RPSA: variants seen among roughly 807,000 people sequenced by gnomAD.
RPSA encodes small ribosomal subunit protein uS2.
For synonymous variants in RPSA, 103 were observed against 126.7 expected, an observed-to-expected ratio of 0.81 and a Z score of 1.25; for missense variants, 140 against 372.8, an observed-to-expected ratio of 0.38 and a Z score of 5.14.
rs746957644 is a variant in RPSA at position 39,412,374 on chromosome 3, T to C, written c.*6T>C. 1 of 1,289,542 alleles carries C rather than the reference T, an allele frequency of 7.8e-7. No homozygotes were observed. Among genetic ancestry groups the C allele is most frequent in the Non-Finnish European group, 1.1e-6 (1 of 893,850 alleles). 79.9% of individuals were successfully genotyped at this position (1,289,542 alleles called of 1,614,324 possible). A position where few individuals can be genotyped will look rare whatever the true frequency, so the allele number is the denominator to read the frequency against. ...CAACCACTGACTGGTCTTAAGCTGT[T>C]CTTGCATAGGCTCTTAAGCAGCATG... is the stretch of plus-strand genomic sequence containing the variant. On this transcript the variant is annotated 3_prime_UTR_variant, in exon 7 of 7. Transcript: ENST00000301821.
intron 5 of RPSA, 45 bp downstream of exon 5, chr3:39,411,822 A>G (rs2042009490): frequency 6.3e-7 from 1 of 1,599,570 alleles, no homozygotes; most frequent in Non-Finnish European, 8.5e-7. Flanking sequence ...AAATTGGACG[A>G]CTTGGACTGT....
intron 2 of RPSA, 160 bp downstream of exon 2, chr3:39,407,946 G>T: frequency 1.6e-6 from 1 of 619,608 alleles, no homozygotes; most frequent in Middle Eastern, 4.3e-4. Flanking sequence ...TTGTTATTGA[G>T]AGAAAAGATT....
intron 3 of RPSA, 195 bp downstream of exon 3, chr3:39,408,919 T>C (rs903562289): frequency 3.8e-6 from 2 of 525,524 alleles, no homozygotes; most frequent in African/African-American, 3.8e-5. Flanking sequence ...GCCCCATCTC[T>C]ACTAAAAATA....
intron 1 of RPSA, 49 bp downstream of exon 1, chr3:39,406,813 G>A (rs1202623290): frequency 2.2e-6 from 1 of 454,788 alleles, no homozygotes; most frequent in Non-Finnish European, 4.4e-6. Flanking sequence ...AGAAAAATGA[G>A]CTTTTCCTGC....
intron 3 of RPSA, chr3:39,410,200 A>G (rs2125594592): frequency 6.3e-6 from 1 of 158,912 alleles, no homozygotes; most frequent in East Asian, 1.8e-4. Flanking sequence ...TAAAACTTGA[A>G]TCTTTTTTGC....
chr3:39,407,966 G>T, intron 2 of RPSA, 180 bp downstream of exon 2: 1 of 577,338 alleles, frequency 1.7e-6, no homozygotes, highest in Non-Finnish European at 3.0e-6. Flanking sequence ...TTCTGCTCCA[G>T]GGGAGGAATA....
chr3:39,409,447 C>T (rs146418794), intron 3 of RPSA, among the ~76,000 whole-genome samples: 4 of 152,276 alleles, frequency 2.6e-5, no homozygotes, highest in African/African-American at 9.6e-5. Flanking sequence ...GTGATCCTCC[C>T]ACCTCGGCCT....
Position 39,412,377 on chromosome 3 carries a change from T to G in RPSA, c.*9T>G, listed in dbSNP as rs545703827. Reference sequence around the variant, plus strand: ...CCACTGACTGGTCTTAAGCTGTTCTTGCATAGGCTCTTAAGCAGCATGGAA... The same window carrying G: ...CCACTGACTGGTCTTAAGCTGTTCTGGCATAGGCTCTTAAGCAGCATGGAA... On this transcript the variant is annotated 3_prime_UTR_variant, in exon 7 of 7. Coordinates refer to ENST00000301821, the MANE Select transcript of RPSA (RefSeq NM_002295.6). 5 of 1,250,802 alleles carry G rather than the reference T, an allele frequency of 4.0e-6. No homozygotes were observed. The African/African-American group carries it at 5.9e-5, about 15-fold the overall frequency. The allele number at this position is 1,250,802 out of a possible 1,614,324, so 77.5% of individuals were successfully genotyped here.
chr3:39,406,861 T>A (rs1212579115), intron 1 of RPSA, 97 bp downstream of exon 1: 1 of 456,372 alleles, frequency 2.2e-6, no homozygotes, highest in Non-Finnish European at 4.4e-6. Context: ...TGAAAGCCGG[T>A]CAGACTGGAT....
chr3:39,407,570 C>G, intron 1 of RPSA, 51 bp from the exon 2 acceptor site: 2 of 1,367,940 alleles, frequency 1.5e-6, no homozygotes, highest in Non-Finnish European at 2.1e-6. Flanking sequence ...TAAGGGTGTG[C>G]CCTACTTAAC....
chr3:39,411,427 T>C, intron 4 of RPSA: 1 of 532,270 alleles, frequency 1.9e-6, no homozygotes, highest in Non-Finnish European at 3.3e-6. Flanking sequence ...TGCCCAGATA[T>C]TTTTTTTAAA....
At chr3:39,411,551 CTG>C (rs1009963186) in intron 4 of RPSA, 96 bp from the exon 5 acceptor site, 15 of 1,301,432 alleles carry the variant, frequency 1.2e-5, no homozygotes, top group Admixed American at 5.5e-5. Context: ...TAAGAGATGT[CTG>C]TACTTTTGGT....
In RPSA at chr3:39,406,758, G is replaced by C; in HGVS notation, c.-40G>C. ...CCTGCAGAGGGGTCCATACGGCGTT[G>C]TTCTGGGTGAGTTCCGTGTAGCGTC... On this transcript the variant is annotated 5_prime_UTR_variant, in exon 1 of 7. Transcript: ENST00000301821. 2.3e-6 allele frequency: 1 copy of C among 429,468 alleles called. No individual in the cohort carries two copies. The highest frequency in any genetic ancestry group is 4.7e-6 in the Non-Finnish European group (1 of 214,794). 26.6% of individuals were successfully genotyped at this position (429,468 alleles called of 1,614,324 possible).
In RPSA at chr3:39,411,996, C is replaced by T; in HGVS notation, c.728C>T (p.Pro243Leu). Residue 243 changes from proline to leucine, a missense_variant, in exon 6 of 7, where the codon CCT becomes CTT. Coordinates refer to ENST00000301821, the MANE Select transcript of RPSA (RefSeq NM_002295.6). ...APAPEFTATQPEVADWSEGVQ... is the reference protein window; with the variant it reads ...APAPEFTATQLEVADWSEGVQ... ...GCTCCTGAGTTCACTGCTACTCAGC[C>T]TGAGGTTGCAGACTGGTCTGAAGGT... The T allele has an allele frequency of 1.2e-6, 2 of 1,604,912 alleles. No homozygotes were observed.
intron 1 of RPSA, 192 bp downstream of exon 1, chr3:39,406,956 G>A (rs1205760625): frequency 1.5e-5 from 7 of 452,528 alleles, no homozygotes; most frequent in Non-Finnish European, 3.1e-5. Context: ...GAGTGCCCCG[G>A]GAGCGGGTGG....
chr3:39,406,912 C>G (rs1021460133), intron 1 of RPSA, 148 bp downstream of exon 1: 11 of 455,180 alleles, frequency 2.4e-5, no homozygotes, highest in Non-Finnish European at 3.1e-5. Flanking sequence ...GCCTGCGGCC[C>G]GCACGTGGCC....
intron 3 of RPSA, 44 bp downstream of exon 3, chr3:39,408,768 T>G (rs750525243): frequency 4.6e-6 from 5 of 1,075,308 alleles, no homozygotes; most frequent in African/African-American, 3.1e-5. Flanking sequence ...GAAATAAAGC[T>G]TACAGACATT....
chr3:39,407,151 G>T, intron 1 of RPSA: 1 of 372,148 alleles, frequency 2.7e-6, no homozygotes, highest in Non-Finnish European at 5.3e-6. Context: ...TTCGCGCCGT[G>T]CGGGTCAGGA....
At position 39,411,876 on chromosome 3, in the gene RPSA, CTTTT is replaced by C. The variant is rs201617825; in HGVS notation, c.628-13_628-10del. 1.5e-6 allele frequency: 2 copies of C among 1,345,144 alleles called. No individual in the cohort carries two copies. The highest frequency in any genetic ancestry group is 1.5e-5 in the African/African-American group (1 of 68,530). The allele number at this position is 1,345,144 out of a possible 1,614,324, so 83.3% of individuals were successfully genotyped here. A position where few individuals can be genotyped will look rare whatever the true frequency, so the allele number is the denominator to read the frequency against. On this transcript the variant is annotated splice_polypyrimidine_tract_variant and intron_variant, in intron 5 of 6. Coordinates refer to ENST00000301821, the MANE Select transcript of RPSA (RefSeq NM_002295.6). Reference sequence around the variant, plus strand: ...TTGTCAGTCCCTGTAAGTCTTTCCTCTTTTTTTTTTGTAACCCAGATTGAAAAAG... The same window carrying C: ...TTGTCAGTCCCTGTAAGTCTTTCCTCTTTTTTGTAACCCAGATTGAAAAAG...
Sources: allele counts gnomAD v4.1 joint callset (sites outside exome capture counted in the v4.1 genomes callset), GRCh38; gene constraint gnomAD v4.1.1; transcripts MANE v1.5; gene names NCBI Gene and HGNC (gene_info 2026-07-23, HGNC 2026-07-21).